RNLS: variants seen among roughly 807,000 people sequenced by gnomAD.
The protein encoded by RNLS is renalase.
In RNLS, 39 loss-of-function variants were observed where a neutral mutation model predicts 39.8. The observed-to-expected ratio is 0.98, with a 90% CI of 0.76 to 1.28. The LOEUF (loss-of-function observed/expected upper bound fraction) is 1.28, where lower values mean the gene tolerates loss of function less well. Among genes scored for constraint, RNLS ranks in the 50% most tolerant of loss-of-function variants. The pLI is 0.00. For missense variants in RNLS, 410 were observed against 413.3 expected (o/e 0.99, Z 0.07); for synonymous variants, 147 against 150.7 (o/e 0.98, Z 0.18).
At chr10:88,316,165 T>G (rs1845754354) in intron 5 of RNLS, among the ~76,000 whole-genome samples, 1 of 152,174 alleles carries the variant, frequency 6.6e-6, no homozygotes, top group Admixed American at 6.5e-5. Context: ...ATTTGTGCAG[T>G]AAATGCAATG....
chr10:88,480,977 G>T (rs192664446), intron 4 of RNLS, among the ~76,000 whole-genome samples: 2 of 152,042 alleles, frequency 1.3e-5, no homozygotes, highest in African/African-American at 4.8e-5. Flanking sequence ...GATTTTGTCA[G>T]TTTTTGCTTC....
intron 6 of RNLS, among the ~76,000 whole-genome samples, chr10:88,309,873 T>G (rs1845225805): frequency 6.6e-6 from 1 of 152,182 alleles, no homozygotes; most frequent in Non-Finnish European, 1.5e-5. Context: ...TTTTGGAAAT[T>G]CTTTAAAGTT....
intron 4 of RNLS, among the ~76,000 whole-genome samples, chr10:88,501,970 C>T (rs951786735): frequency 1.1e-4 from 17 of 152,078 alleles, no homozygotes; most frequent in African/African-American, 3.9e-4. Flanking sequence ...GCATATCTGT[C>T]TCCTCTGTTA....
intron 4 of RNLS, among the ~76,000 whole-genome samples, chr10:88,513,096 AT>A (rs1846223002): frequency 6.6e-6 from 1 of 152,116 alleles, no homozygotes; most frequent in Non-Finnish European, 1.5e-5. Flanking sequence ...GTAGAAAAAA[AT>A]ATACCTCCCC....
intron 6 of RNLS, among the ~76,000 whole-genome samples, chr10:88,296,575 A>G (rs1844111632): frequency 6.6e-6 from 1 of 152,180 alleles, no homozygotes; most frequent in Non-Finnish European, 1.5e-5. Context: ...TCTACTTTTA[A>G]TAGTGTGAAA....
chr10:88,378,184 G>A (rs985444452), intron 4 of RNLS, among the ~76,000 whole-genome samples: 1 of 151,796 alleles, frequency 6.6e-6, no homozygotes, highest in African/African-American at 2.4e-5. Flanking sequence ...TGAAGGAACT[G>A]CCTGAGGCCA....
intron 4 of RNLS, among the ~76,000 whole-genome samples, chr10:88,504,113 T>C (rs1364895930): frequency 6.6e-6 from 1 of 152,114 alleles, no homozygotes; most frequent in Non-Finnish European, 1.5e-5. Flanking sequence ...CTAAACCTTA[T>C]GAAAACTGGC....
chr10:88,173,838 A>G, the RNLS span, among the ~76,000 whole-genome samples: 1 of 152,098 alleles, frequency 6.6e-6, no homozygotes, highest in Non-Finnish European at 1.5e-5. Context: ...AACAGGTGGT[A>G]TTTGGTTACA....
At chr10:88,246,206 T>G in the RNLS span, among the ~76,000 whole-genome samples, 1 of 152,116 alleles carries the variant, frequency 6.6e-6, no homozygotes, top group Non-Finnish European at 1.5e-5. Context: ...CAAAAACAAC[T>G]CTCCCTTCTC....
At chr10:88,576,695 C>A (rs1191452095) in intron 3 of RNLS, among the ~76,000 whole-genome samples, 1 of 152,048 alleles carries the variant, frequency 6.6e-6, no homozygotes, top group Non-Finnish European at 1.5e-5. Context: ...GACTCACTTC[C>A]CCTCTATCAA....
the RNLS span, among the ~76,000 whole-genome samples, chr10:88,236,919 G>A: frequency 6.6e-6 from 1 of 152,132 alleles, no homozygotes; most frequent in East Asian, 1.9e-4. Flanking sequence ...GCACTGCTAA[G>A]TACAGGGCTA....
At chr10:88,176,011 G>C in the RNLS span, among the ~76,000 whole-genome samples, 2 of 151,978 alleles carry the variant, frequency 1.3e-5, no homozygotes, top group East Asian at 3.9e-4. Context: ...TTATGTTTTT[G>C]ATATAATAGC....
chr10:88,575,299 A>T (rs1289363432), intron 3 of RNLS, among the ~76,000 whole-genome samples: 1 of 148,562 alleles, frequency 6.7e-6, no homozygotes, highest in Non-Finnish European at 1.5e-5. Context: ...TATATATGTC[A>T]GTGGTTCTCT....
At chr10:88,304,949 T>A (rs1256583508) in intron 6 of RNLS, among the ~76,000 whole-genome samples, 1 of 151,976 alleles carries the variant, frequency 6.6e-6, no homozygotes, top group African/African-American at 2.4e-5. Context: ...GAGAGGAAGG[T>A]CAGGTCATCT....
chr10:88,549,017 T>C (rs1848480895), intron 4 of RNLS, among the ~76,000 whole-genome samples: 2 of 151,924 alleles, frequency 1.3e-5, no homozygotes. Flanking sequence ...ACTGAATGGA[T>C]AGAAAGTAAC....
chr10:88,441,467 T>C lies in RNLS; in HGVS notation c.527-78742A>G, dbSNP rs117190961. The stretch of plus-strand genomic sequence containing the variant: ...AATTGATACTGAAAGGCACATTACT[T>C]ATGAGTCTGAAAAGTCTCCTAGCAT... On this transcript the variant is annotated intron_variant, in intron 4 of 6. Transcript: ENST00000331772. Among the ~76,000 whole-genome samples, 15 of 152,348 alleles carry C rather than the reference T, an allele frequency of 9.8e-5. No individual in the cohort carries two copies. The East Asian group carries it at 2.3e-3, about 23-fold the overall frequency.
At chr10:88,252,526 C>G in the RNLS span, among the ~76,000 whole-genome samples, 1 of 152,308 alleles carries the variant, frequency 6.6e-6, no homozygotes, top group Non-Finnish European at 1.5e-5. Context: ...CTTCGATTTT[C>G]TTCCTCATCT....
chr10:88,341,966 G>A (rs7069120), intron 5 of RNLS, among the ~76,000 whole-genome samples: 44,882 of 152,038 alleles, frequency 0.3, 8,648 homozygotes, highest in African/African-American at 0.54. Context: ...GGTGCTCCCT[G>A]AGTACTCCCA....
chr10:88,269,060 TA>T (rs1842577932), downstream of RNLS, among the ~76,000 whole-genome samples: 1 of 152,226 alleles, frequency 6.6e-6, no homozygotes, highest in South Asian at 2.1e-4. Context: ...AAATGTTCAC[TA>T]GAGTCAGAAA....
Sources: allele counts gnomAD v4.1 joint callset (sites outside exome capture counted in the v4.1 genomes callset), GRCh38; gene constraint gnomAD v4.1.1; transcripts MANE v1.5; gene names NCBI Gene and HGNC (gene_info 2026-07-23, HGNC 2026-07-21).